Variants in ST6GALNAC3 observed in about 807,000 individuals in gnomAD.
ST6GALNAC3 encodes the protein ST6 N-acetylgalactosaminide alpha-2,6-sialyltransferase 3, also known as alpha-N-acetylgalactosaminide alpha-2,6-sialyltransferase 3.
In ST6GALNAC3, 25 loss-of-function variants were observed where a neutral mutation model predicts 32.7. The observed-to-expected ratio is 0.76, with a 90% CI of 0.56 to 1.07. The LOEUF (loss-of-function observed/expected upper bound fraction) is 1.07, where lower values mean the gene tolerates loss of function less well. Ranked by LOEUF, ST6GALNAC3 falls within the 50% of genes least tolerant of loss-of-function variation. The probability of loss-of-function intolerance (pLI) is 0.00; values close to 1 mark genes in which losing one functional copy is unlikely to be tolerated. For missense variants in ST6GALNAC3, 355 were observed against 382.4 expected, an observed-to-expected ratio of 0.93 and a Z score of 0.60; for synonymous variants, 129 against 133.1, an observed-to-expected ratio of 0.97 and a Z score of 0.21.
intron 3 of ST6GALNAC3, among the ~76,000 whole-genome samples, chr1:76,521,025 T>C (rs1490236455): frequency 6.6e-6 from 1 of 152,112 alleles, no homozygotes; most frequent in Non-Finnish European, 1.5e-5. Context: ...TCAGGTGATT[T>C]GTCATTCAAT....
intron 3 of ST6GALNAC3, among the ~76,000 whole-genome samples, chr1:76,527,899 A>G (rs909794390): frequency 6.6e-6 from 1 of 152,130 alleles, no homozygotes; most frequent in African/African-American, 2.4e-5. Flanking sequence ...ATCAGCAGAA[A>G]AATAAAATAC....
intron 1 of ST6GALNAC3, among the ~76,000 whole-genome samples, chr1:76,144,679 C>T (rs187592159): frequency 1.3e-4 from 20 of 152,330 alleles, no homozygotes; most frequent in African/African-American, 4.8e-4. Flanking sequence ...ACAATACTCT[C>T]CCCGCTTCCC....
chr1:76,470,451 C>T (rs1156465982), intron 3 of ST6GALNAC3, among the ~76,000 whole-genome samples: 2 of 152,056 alleles, frequency 1.3e-5, no homozygotes, highest in Non-Finnish European at 1.5e-5. Context: ...ACCAATTGCT[C>T]ATGCTTCTGT....
At chr1:76,098,725 T>G (rs994137594) in intron 1 of ST6GALNAC3, among the ~76,000 whole-genome samples, 9 of 152,180 alleles carry the variant, frequency 5.9e-5, no homozygotes, top group African/African-American at 2.2e-4. Context: ...ACATTTTAGC[T>G]TGTCTTTTCA....
chr1:76,404,976 AG>A (rs1653714812), intron 2 of ST6GALNAC3, among the ~76,000 whole-genome samples: 1 of 152,094 alleles, frequency 6.6e-6, no homozygotes, highest in Non-Finnish European at 1.5e-5. Flanking sequence ...TTTTTACTTG[AG>A]ATAAGCAAGT....
chr1:76,400,787 C>T (rs1452258893), intron 2 of ST6GALNAC3, among the ~76,000 whole-genome samples: 4 of 151,582 alleles, frequency 2.6e-5, no homozygotes, highest in African/African-American at 7.3e-5. Context: ...CTCAGCTACT[C>T]GGGAGGCTGA....
At chr1:76,245,279 C>G (rs918681911) in intron 1 of ST6GALNAC3, among the ~76,000 whole-genome samples, 1 of 152,022 alleles carries the variant, frequency 6.6e-6, no homozygotes, top group Non-Finnish European at 1.5e-5. Context: ...AGTGGGATAT[C>G]CCCTTTATCA....
chr1:76,237,983 G>A (rs1029932767), intron 1 of ST6GALNAC3, among the ~76,000 whole-genome samples: 4 of 152,244 alleles, frequency 2.6e-5, no homozygotes, highest in Non-Finnish European at 5.9e-5. Flanking sequence ...TTTGGAGGAT[G>A]CTTTTAACAT....
chr1:76,307,364 A>G (rs544212722), intron 1 of ST6GALNAC3, among the ~76,000 whole-genome samples: 1 of 152,282 alleles, frequency 6.6e-6, no homozygotes, highest in Non-Finnish European at 1.5e-5. Flanking sequence ...AAATGGAAAG[A>G]AGCTTTATTG....
chr1:76,265,690 G>A (rs968727672), intron 1 of ST6GALNAC3, among the ~76,000 whole-genome samples: 4 of 152,218 alleles, frequency 2.6e-5, no homozygotes, highest in East Asian at 1.9e-4. Context: ...ATCAGTTTCC[G>A]TACTTAGAAA....
chr1:76,255,330 A>G (rs1273061853), intron 1 of ST6GALNAC3, among the ~76,000 whole-genome samples: 3 of 152,104 alleles, frequency 2.0e-5, no homozygotes, highest in African/African-American at 7.2e-5. Flanking sequence ...TAGTTAAATG[A>G]TACATTTTGT....
At chr1:76,394,425 T>G (rs1652787514) in intron 2 of ST6GALNAC3, among the ~76,000 whole-genome samples, 1 of 152,248 alleles carries the variant, frequency 6.6e-6, no homozygotes, top group Non-Finnish European at 1.5e-5. Flanking sequence ...TAATAGCTTG[T>G]ATTTTAAATT....
At chr1:76,556,434 G>A (rs1191872531) in intron 3 of ST6GALNAC3, among the ~76,000 whole-genome samples, 1 of 151,816 alleles carries the variant, frequency 6.6e-6, no homozygotes, top group Admixed American at 6.6e-5. Context: ...CTAACTCTAT[G>A]TTCAACATTT....
At chr1:76,156,616 G>T (rs558617934) in intron 1 of ST6GALNAC3, among the ~76,000 whole-genome samples, 2 of 152,014 alleles carry the variant, frequency 1.3e-5, no homozygotes, top group East Asian at 1.9e-4. Context: ...ATCATTGCGG[G>T]TTTTTGTTTT....
intron 1 of ST6GALNAC3, among the ~76,000 whole-genome samples, chr1:76,109,396 C>T (rs546200616): frequency 6.6e-6 from 1 of 152,176 alleles, no homozygotes. Flanking sequence ...CGAAGGGCTG[C>T]AGGTTTGTCA....
chr1:76,362,454 TG>T (rs1301775311), intron 2 of ST6GALNAC3, among the ~76,000 whole-genome samples: 2 of 152,162 alleles, frequency 1.3e-5, no homozygotes, highest in Non-Finnish European at 2.9e-5. Context: ...ACAACCATCC[TG>T]TCTCAACAGT....
chr1:76,107,691 G>A (rs1046936723), intron 1 of ST6GALNAC3, among the ~76,000 whole-genome samples: 2 of 152,124 alleles, frequency 1.3e-5, no homozygotes, highest in African/African-American at 4.8e-5. Context: ...CCCACCTCCT[G>A]TTCAAATACA....
At chr1:76,608,740 G>A (rs929075012) in intron 3 of ST6GALNAC3, among the ~76,000 whole-genome samples, 6 of 151,536 alleles carry the variant, frequency 4.0e-5, no homozygotes, top group Non-Finnish European at 5.9e-5. Flanking sequence ...TTTGAATTCC[G>A]TTTATGTTAC....
intron 1 of ST6GALNAC3, among the ~76,000 whole-genome samples, chr1:76,277,477 C>T (rs1659195259): frequency 6.7e-6 from 1 of 149,208 alleles, no homozygotes; most frequent in African/African-American, 2.4e-5. Flanking sequence ...TGGAATAAGA[C>T]CCCCTCCTTC....
Sources: allele counts gnomAD v4.1 joint callset (sites outside exome capture counted in the v4.1 genomes callset), GRCh38; gene constraint gnomAD v4.1.1; transcripts MANE v1.5; gene names NCBI Gene and HGNC (gene_info 2026-07-23, HGNC 2026-07-21).